Variants in SAMD5 observed in about 807,000 individuals in gnomAD.
SAMD5 encodes the protein sterile alpha motif domain containing 5.
Under a neutral mutation model 11.3 loss-of-function variants are expected in SAMD5, and 13 were observed. That is an observed-to-expected ratio of 1.15 (90% CI 0.75 to 1.83). The LOEUF is 1.83. Ranked by LOEUF, SAMD5 falls within the 40% of genes most tolerant of loss-of-function variation. The pLI is 0.00. For synonymous variants in SAMD5, 129 were observed against 111.3 expected (o/e 1.16, Z -1.00); for missense variants, 255 against 239.1 (o/e 1.07, Z -0.44).
intron 1 of SAMD5, among the ~76,000 whole-genome samples, chr6:147,637,910 A>G (rs1340123966): frequency 6.6e-6 from 1 of 151,238 alleles, no homozygotes; most frequent in Non-Finnish European, 1.5e-5. Flanking sequence ...GTTCAGTACC[A>G]GCCATTATTA....
intron 1 of SAMD5, among the ~76,000 whole-genome samples, chr6:147,642,960 G>C (rs1406199780): frequency 2.0e-5 from 3 of 152,158 alleles, no homozygotes; most frequent in Non-Finnish European, 4.4e-5. Context: ...TGCCACTGAG[G>C]TGTGCCTAAT....
Position 147,515,176 on chromosome 6 carries a change from G to GTT in SAMD5, c.459+5819_459+5820dup, listed in dbSNP as rs71031029. Among the ~76,000 whole-genome samples the GTT allele has an allele frequency of 9.6e-3, 717 of 74,780 alleles. 48 individuals carry two copies. The highest frequency in any genetic ancestry group is 0.023 in the Middle Eastern group (2 of 88). The allele number at this position is 74,780 out of a possible 152,430, so 49.1% of individuals were successfully genotyped here. A position where few individuals can be genotyped will look rare whatever the true frequency, so the allele number is the denominator to read the frequency against. Reference sequence around the variant, plus strand: ...ATACCCTCAACCTATATCCTTCCAGGTTTTTTTTTTTTTTTTTTTTTTTTT... The same window carrying GTT: ...ATACCCTCAACCTATATCCTTCCAGGTTTTTTTTTTTTTTTTTTTTTTTTTTT... On this transcript the variant is annotated intron_variant, in intron 1 of 1. Transcript: ENST00000367474.
chr6:147,674,972 C>T (rs563015233), intron 1 of SAMD5, among the ~76,000 whole-genome samples: 2 of 152,308 alleles, frequency 1.3e-5, no homozygotes, highest in Admixed American at 6.5e-5. Flanking sequence ...TTGCCCATGG[C>T]AGACATCAAT....
the SAMD5 span, among the ~76,000 whole-genome samples, chr6:147,853,303 A>G: frequency 6.6e-6 from 1 of 152,108 alleles, no homozygotes; most frequent in East Asian, 1.9e-4. Flanking sequence ...GGGAAGGGAA[A>G]GCCCTGTGAA....
chr6:147,638,460 C>T (rs1292138494), intron 1 of SAMD5, among the ~76,000 whole-genome samples: 2 of 152,206 alleles, frequency 1.3e-5, no homozygotes, highest in African/African-American at 4.8e-5. Context: ...TCACAGCTCC[C>T]TTGTGAATTC....
At chr6:147,640,197 G>A (rs914201759) in intron 1 of SAMD5, among the ~76,000 whole-genome samples, 8 of 151,910 alleles carry the variant, frequency 5.3e-5, no homozygotes, top group African/African-American at 1.9e-4. Flanking sequence ...GTGGTGGCAC[G>A]TGCCTGTGGT....
At chr6:147,764,488 G>A in the SAMD5 span, among the ~76,000 whole-genome samples, 1 of 152,176 alleles carries the variant, frequency 6.6e-6, no homozygotes, top group Non-Finnish European at 1.5e-5. Flanking sequence ...TTCTGGACCA[G>A]ACGATAACAT....
intron 1 of SAMD5, among the ~76,000 whole-genome samples, chr6:147,547,907 A>G (rs1404351535): frequency 3.3e-5 from 5 of 152,228 alleles, no homozygotes. Flanking sequence ...TTCAACAAGA[A>G]TTAGATACTG....
rs146152845 is a variant in SAMD5, at chr6:147,712,477, G to A, written c.163-24840G>A. Among the ~76,000 whole-genome samples the A allele has an allele frequency of 8.1e-4, 123 of 152,070 alleles. 2 individuals are homozygous for A. Among genetic ancestry groups the A allele is most frequent in the African/African-American group, 2.5e-3 (103 of 41,466 alleles). On this transcript the variant is annotated intron_variant, in intron 1 of 1. Coordinates refer to the SAMD5 transcript ENST00000566741. ...AGTCACCTAGCTCCATGTTTTTTCC[G>A]CTCCACTCATGTTATGGGCTGAATG... is the stretch of plus-strand genomic sequence containing the variant.
At chr6:147,921,845 T>A in the SAMD5 span, among the ~76,000 whole-genome samples, 1 of 152,194 alleles carries the variant, frequency 6.6e-6, no homozygotes, top group Non-Finnish European at 1.5e-5. Flanking sequence ...AGTATTTCCA[T>A]ATAACCATTT....
At chr6:147,658,856 G>T (rs966201417) in intron 1 of SAMD5, among the ~76,000 whole-genome samples, 8 of 152,166 alleles carry the variant, frequency 5.3e-5, no homozygotes, top group African/African-American at 1.9e-4. Flanking sequence ...GGGACACATT[G>T]TGCTAAACCC....
At chr6:147,948,153 T>G in the SAMD5 span, among the ~76,000 whole-genome samples, 1 of 152,186 alleles carries the variant, frequency 6.6e-6, no homozygotes, top group Non-Finnish European at 1.5e-5. Context: ...ATTATTTTAC[T>G]GATTCCTTCT....
intron 1 of SAMD5, among the ~76,000 whole-genome samples, chr6:147,660,486 C>T (rs1351513755): frequency 6.6e-6 from 1 of 152,166 alleles, no homozygotes; most frequent in Non-Finnish European, 1.5e-5. Flanking sequence ...GTCCTTTAGG[C>T]TTGTTAAAGT....
the SAMD5 span, among the ~76,000 whole-genome samples, chr6:147,915,420 A>G: frequency 6.6e-6 from 1 of 152,198 alleles, no homozygotes; most frequent in Non-Finnish European, 1.5e-5. Flanking sequence ...TATTTAAAAC[A>G]TTTTTTTAAA....
the SAMD5 span, among the ~76,000 whole-genome samples, chr6:147,878,335 C>T: frequency 2.0e-5 from 3 of 151,508 alleles, no homozygotes; most frequent in Admixed American, 6.6e-5. Context: ...ATAAGGACTG[C>T]GTTTCTGCTC....
chr6:147,721,519 A>G (rs954787492), intron 1 of SAMD5, among the ~76,000 whole-genome samples: 3 of 152,126 alleles, frequency 2.0e-5, no homozygotes, highest in South Asian at 2.1e-4. Context: ...GTCTGTTCAT[A>G]TCCTTTGCCC....
intron 1 of SAMD5, among the ~76,000 whole-genome samples, chr6:147,526,715 T>C (rs1297294581): frequency 6.6e-6 from 1 of 152,226 alleles, no homozygotes; most frequent in Non-Finnish European, 1.5e-5. Context: ...TAAATATTTA[T>C]TGAATGAATG....
the SAMD5 span, among the ~76,000 whole-genome samples, chr6:147,808,371 TA>T: frequency 6.6e-6 from 1 of 152,316 alleles, no homozygotes; most frequent in Admixed American, 6.5e-5. Context: ...GCTAATTTTT[TA>T]AAGTTATTTT....
chr6:147,570,153 C>T (rs1181599187), downstream of SAMD5: 11 of 435,712 alleles, frequency 2.5e-5, no homozygotes, highest in South Asian at 1.9e-4. Flanking sequence ...AGAGTTCTAA[C>T]GGGAAAGAAA....
Sources: gnomAD v4.1 joint callset for allele counts (sites outside exome capture counted in the v4.1 genomes callset) on GRCh38, gnomAD v4.1.1 for gene constraint, MANE v1.5 for transcripts, NCBI Gene and HGNC (gene_info 2026-07-23, HGNC 2026-07-21) for gene names.